The following TNFRSF21 variants were observed in gnomAD, a reference collection of about 807,000 sequenced individuals.
The protein encoded by TNFRSF21 is TNF receptor superfamily member 21.
Under a neutral mutation model 45.6 loss-of-function variants are expected in TNFRSF21, and 19 were observed. The ratio of observed to expected loss-of-function variants is 0.42; its 90% CI spans 0.29 to 0.61. The LOEUF (loss-of-function observed/expected upper bound fraction) is 0.61. Ranked by LOEUF, TNFRSF21 falls within the 20% of genes least tolerant of loss-of-function variation. TNFRSF21 has a pLI of 0.23. For synonymous variants in TNFRSF21, 314 were observed against 335.5 expected (o/e 0.94, Z 0.70); for missense variants, 737 against 851.5 (o/e 0.87, Z 1.67).
In TNFRSF21 at chr6:47,232,905, C is replaced by T; in HGVS notation, c.1828G>A (p.Glu610Lys). 2 of 1,614,092 alleles carry T rather than the reference C, an allele frequency of 1.2e-6. No individual in the cohort carries two copies. Among genetic ancestry groups the T allele is most frequent in the Non-Finnish European group, 1.7e-6 (2 of 1,180,026 alleles). ...ATCTCTTCAATCACCCGCAGCTCCT[C>T]AGGATTTAGAAAGTGGAGCATGTCA... is the stretch of plus-strand genomic sequence containing the variant. ...FDDMLHFLNP[E>K]ELRVIEEIPQ... is the part of the protein sequence containing the mutation. Residue 610 changes from glutamate (E) to lysine (K), a missense_variant, in exon 6 of 6, where the codon GAG becomes AAG. Glu to Lys is a moderately conservative substitution (Grantham distance 56). Coordinates refer to ENST00000296861, the MANE Select transcript of TNFRSF21 (RefSeq NM_014452.5).
At chr6:47,234,931 T>G (rs541721401) in intron 4 of TNFRSF21, 33 bp from the exon 5 acceptor site, 4 of 1,201,926 alleles carry the variant, frequency 3.3e-6, no homozygotes, top group East Asian at 3.1e-5. Flanking sequence ...TTATTATATA[T>G]AGAAAAAAAA....
At chr6:47,260,511 T>A (rs1171724297) in intron 3 of TNFRSF21, among the ~76,000 whole-genome samples, 1 of 152,252 alleles carries the variant, frequency 6.6e-6, no homozygotes, top group East Asian at 1.9e-4. Flanking sequence ...TTGAAGCTCA[T>A]TTTTTAAAAG....
intron 4 of TNFRSF21, among the ~76,000 whole-genome samples, chr6:47,236,121 G>A (rs1433100508): frequency 6.6e-6 from 1 of 152,226 alleles, no homozygotes; most frequent in African/African-American, 2.4e-5. Context: ...AGGGCACACA[G>A]CTACTGGCAG....
Position 47,253,460 on chromosome 6 carries a change from C to T in TNFRSF21, c.1305G>A (p.Gln435=), listed in dbSNP as rs147138165. Residue 435 remains glutamine (Q), a synonymous_variant, in exon 4 of 6, where the codon CAG becomes CAA. Transcript: ENST00000296861. ...CCCTCTCACTGGCATTGCAAAGAAA[C>T]TGATAGATATCTTTCCACTGGCTTC... The part of the protein sequence containing the change: ...QVGSQWKDIY[Q]FLCNASEREV... 193 of 1,613,906 alleles carry T rather than the reference C, an allele frequency of 1.2e-4. No homozygotes were observed. Among genetic ancestry groups the T allele is most frequent in the Non-Finnish European group, 1.4e-4 (171 of 1,180,040 alleles).
Position 47,284,275 on chromosome 6 carries a change from T to C in TNFRSF21, c.906A>G (p.Gln302=), listed in dbSNP as rs1762615821. The change falls in exon 3 of 6, where the codon CAA becomes CAG. Residue 302 remains glutamine, a synonymous_variant. Transcript: ENST00000296861. ...LPNLQVVNHQ[Q]GPHHRHILKL... is the part of the protein sequence containing the mutation. ...TCAGGATGTGTCTGTGGTGGGGGCC[T>C]TGCTGGTGGTTGACTACCTGAAGGT... 1 of 1,611,540 alleles carries C rather than the reference T, an allele frequency of 6.2e-7. No individual in the cohort carries two copies.
At chr6:47,239,235 G>A (rs760287420) in intron 4 of TNFRSF21, among the ~76,000 whole-genome samples, 17 of 141,208 alleles carry the variant, frequency 1.2e-4, no homozygotes, top group South Asian at 2.3e-4. Context: ...GCAGTGAGGC[G>A]AGATCACGCC....
chr6:47,278,837 T>G (rs898473790), intron 3 of TNFRSF21, among the ~76,000 whole-genome samples: 3 of 152,216 alleles, frequency 2.0e-5, no homozygotes, highest in Non-Finnish European at 4.4e-5. Context: ...CCTGTTGCAG[T>G]TGATTTAAAG....
At chr6:47,279,651 T>A (rs1049778971) in intron 3 of TNFRSF21, among the ~76,000 whole-genome samples, 98 of 152,280 alleles carry the variant, frequency 6.4e-4, no homozygotes, top group African/African-American at 2.3e-3. Context: ...CTTACCCCAT[T>A]ACATTGAGGT....
chr6:47,242,197 A>C (rs1237361384), intron 4 of TNFRSF21, among the ~76,000 whole-genome samples: 1 of 152,076 alleles, frequency 6.6e-6, no homozygotes, highest in Non-Finnish European at 1.5e-5. Flanking sequence ...CTGGCCAAAA[A>C]AATGCCAAAA....
intron 3 of TNFRSF21, among the ~76,000 whole-genome samples, chr6:47,264,599 G>A (rs1742938946): frequency 6.6e-6 from 1 of 152,170 alleles, no homozygotes; most frequent in African/African-American, 2.4e-5. Flanking sequence ...GAGAATCACA[G>A]TCTCTGACTC....
intron 3 of TNFRSF21, among the ~76,000 whole-genome samples, chr6:47,281,918 G>T (rs547035587): frequency 2.6e-5 from 4 of 151,908 alleles, no homozygotes; most frequent in African/African-American, 7.2e-5. Context: ...TCAAGTTTAT[G>T]CAGGCTTAGT....
chr6:47,267,221 C>T (rs893262215), intron 3 of TNFRSF21, among the ~76,000 whole-genome samples: 1 of 151,910 alleles, frequency 6.6e-6, no homozygotes, highest in African/African-American at 2.4e-5. Flanking sequence ...GCCTCAGCCT[C>T]CTGAGTAGCT....
At chr6:47,234,519 G>C in intron 5 of TNFRSF21, 151 bp downstream of exon 5, 1 of 681,034 alleles carries the variant, frequency 1.5e-6, no homozygotes, top group Non-Finnish European at 2.5e-6. Context: ...TCGGGCCAGC[G>C]TATCTTGAAG....
At chr6:47,245,825 T>A (rs575600473) in intron 4 of TNFRSF21, among the ~76,000 whole-genome samples, 1 of 152,212 alleles carries the variant, frequency 6.6e-6, no homozygotes. Context: ...CTCACGGTTC[T>A]GCAAGCTGTA....
At chr6:47,309,353 T>C (rs1298551252) in intron 1 of TNFRSF21, 63 bp downstream of exon 1, 2 of 1,488,706 alleles carry the variant, frequency 1.3e-6, no homozygotes, top group African/African-American at 2.9e-5. Context: ...CCCGCCCGGC[T>C]CCCGGAGAGC....
chr6:47,285,817 G>T, intron 2 of TNFRSF21, 127 bp downstream of exon 2: 1 of 1,020,986 alleles, frequency 9.8e-7, no homozygotes, highest in Non-Finnish European at 1.4e-6. Flanking sequence ...CCATATGAAG[G>T]CCTCTCTCCA....
In TNFRSF21 at chr6:47,309,596, C is replaced by T; in HGVS notation, c.-85G>A. ...TGCTTCTGCCCAGCGCCGCATCCAC[C>T]GCCGCCTCCCGGGCCGGGAGCCCAT... On this transcript the variant is annotated 5_prime_UTR_variant, in exon 1 of 6. Coordinates refer to ENST00000296861, the MANE Select transcript of TNFRSF21 (RefSeq NM_014452.5). 3 of 1,366,626 alleles carry T rather than the reference C, an allele frequency of 2.2e-6. No homozygotes were observed. Among genetic ancestry groups the T allele is most frequent in the Non-Finnish European group, 2.8e-6 (3 of 1,068,548 alleles). The allele number at this position is 1,366,626 out of a possible 1,614,324, so 84.7% of individuals were successfully genotyped here.
At chr6:47,259,722 G>C (rs1233159526) in intron 3 of TNFRSF21, among the ~76,000 whole-genome samples, 1 of 152,124 alleles carries the variant, frequency 6.6e-6, no homozygotes, top group Non-Finnish European at 1.5e-5. Context: ...CTGGAGAATG[G>C]ATGAAGTTTC....
Position 47,309,397 on chromosome 6 carries a change from G to A in TNFRSF21, c.96+19C>T. 1 of 1,526,256 alleles carries A rather than the reference G, an allele frequency of 6.6e-7. No homozygotes were observed. Among genetic ancestry groups the A allele is most frequent in the South Asian group, 1.2e-5 (1 of 83,426 alleles). The allele number at this position is 1,526,256 out of a possible 1,614,324, so 94.5% of individuals were successfully genotyped here. ...CTGCTCCGGCGCCGCCGCCACCCCC[G>A]GTCCACGCAAGCGCTCACCAGGAGA... On this transcript the variant is annotated intron_variant, in intron 1 of 5. Transcript: ENST00000296861.
Sources: gnomAD v4.1 joint callset for allele counts (sites outside exome capture counted in the v4.1 genomes callset) on GRCh38, gnomAD v4.1.1 for gene constraint, MANE v1.5 for transcripts, NCBI Gene and HGNC (gene_info 2026-07-23, HGNC 2026-07-21) for gene names.